The following TAFA2 variants were observed in gnomAD, a reference collection of about 807,000 sequenced individuals.
TAFA2 encodes the protein chemokine-like protein TAFA-2.
A neutral mutation model predicts 18.8 loss-of-function variants in TAFA2; 7 were observed. The ratio of observed to expected loss-of-function variants is 0.37; its 90% confidence interval spans 0.21 to 0.70. The LOEUF (loss-of-function observed/expected upper bound fraction) is 0.70, where lower values mean the gene tolerates loss of function less well. Ranked by LOEUF, TAFA2 falls within the 30% of genes least tolerant of loss-of-function variation. The probability of loss-of-function intolerance (pLI) is 0.53; values close to 1 mark genes in which losing one functional copy is unlikely to be tolerated. For missense variants in TAFA2, 122 were observed against 158.1 expected (o/e 0.77, Z 1.23); for synonymous variants, 60 against 54.2 (o/e 1.11, Z -0.47).
chr12:62,234,709 C>T, intron 1 of TAFA2: 3 of 1,065,266 alleles, frequency 2.8e-6, no homozygotes, highest in Non-Finnish European at 1.5e-6. Context: ...TAAGGCCTTG[C>T]CTCTGAGGAG....
chr12:62,243,729 C>G (rs7963835), intron 1 of TAFA2, among the ~76,000 whole-genome samples: 1 of 152,174 alleles, frequency 6.6e-6, no homozygotes, highest in Non-Finnish European at 1.5e-5. Flanking sequence ...AGTTAAGACA[C>G]GAAAATGTCA....
chr12:61,814,861 C>T (rs1404729450), intron 2 of TAFA2, among the ~76,000 whole-genome samples: 2 of 151,360 alleles, frequency 1.3e-5, no homozygotes, highest in Admixed American at 6.6e-5. Context: ...GGTGAAGCCA[C>T]AAGCCAAGTA....
At chr12:61,894,940 A>C (rs186258410) in intron 1 of TAFA2, among the ~76,000 whole-genome samples, 12 of 152,344 alleles carry the variant, frequency 7.9e-5, no homozygotes, top group African/African-American at 2.9e-4. Context: ...CAGGCTAAAC[A>C]GGCCTCTTTC....
At chr12:62,209,866 C>T (rs11174373) in intron 1 of TAFA2, among the ~76,000 whole-genome samples, 25,113 of 152,122 alleles carry the variant, frequency 0.17, 2,474 homozygotes, top group East Asian at 0.34. Context: ...TAAACTGAGG[C>T]TTAAAGATTA....
intron 1 of TAFA2, among the ~76,000 whole-genome samples, chr12:62,189,190 A>AT (rs968507912): frequency 5.4e-5 from 8 of 147,808 alleles, no homozygotes; most frequent in African/African-American, 2.0e-4. Context: ...AGATTTTCAC[A>AT]TAAAAAAAAA....
chr12:61,836,131 C>A (rs1251403598), intron 2 of TAFA2, among the ~76,000 whole-genome samples: 1 of 151,770 alleles, frequency 6.6e-6, no homozygotes, highest in African/African-American at 2.4e-5. Flanking sequence ...TGTGTAGTTA[C>A]CGAGAAAAAG....
intron 1 of TAFA2, among the ~76,000 whole-genome samples, chr12:62,257,203 A>C (rs1393436427): frequency 1.9e-5 from 1 of 51,314 alleles, no homozygotes; most frequent in African/African-American, 8.5e-5. Context: ...TGTGTGTGTG[A>C]TTTGCTAAGT....
chr12:62,256,275 A>C (rs982606701), intron 1 of TAFA2, among the ~76,000 whole-genome samples: 2 of 152,192 alleles, frequency 1.3e-5, no homozygotes, highest in South Asian at 2.1e-4. Context: ...TCTCCAAAAA[A>C]AAAAAGGATA....
intron 1 of TAFA2, among the ~76,000 whole-genome samples, chr12:62,237,084 A>G (rs966704494): frequency 6.6e-6 from 1 of 152,078 alleles, no homozygotes; most frequent in Non-Finnish European, 1.5e-5. Flanking sequence ...AATGACTCTT[A>G]TATTTTTCTC....
chr12:61,803,154 G>A (rs1421161560), intron 2 of TAFA2, among the ~76,000 whole-genome samples: 2 of 151,838 alleles, frequency 1.3e-5, no homozygotes, highest in African/African-American at 4.8e-5. Flanking sequence ...GAATACAAAG[G>A]ATAAATAAGA....
At position 61,932,981 on chromosome 12, in the gene TAFA2, A is replaced by C. The variant is rs571280414; in HGVS notation, c.-1-65555T>G. Among the ~76,000 whole-genome samples the C allele has an allele frequency of 3.3e-5, 5 of 152,356 alleles. No homozygotes were observed. The East Asian group carries it at 9.6e-4, about 29-fold the overall frequency. On this transcript the variant is annotated intron_variant, in intron 1 of 4. Coordinates refer to ENST00000416284, the MANE Select transcript of TAFA2 (RefSeq NM_178539.5). ...GCTGTCTCCTGGAAGTACGGAACTA[A>C]GAAAGCCAAGCTAGGTTAAAGGCAA...
chr12:61,972,689 A>T lies in TAFA2; in HGVS notation c.-1-105263T>A, dbSNP rs148724580. On this transcript the variant is annotated intron_variant, in intron 1 of 4. Transcript: ENST00000416284. ...CATGACTTTTTTAAAAGATCAAATA[A>T]CTTGTACCTATGAACAAACTTGTCA... is the stretch of plus-strand genomic sequence containing the variant. Among the ~76,000 whole-genome samples the T allele has an allele frequency of 1.3e-3, 200 of 151,856 alleles. 1 individual carries two copies. Among genetic ancestry groups the T allele is most frequent in the African/African-American group, 4.5e-3 (186 of 41,494 alleles).
At chr12:61,802,069 G>A (rs1211188850) in intron 2 of TAFA2, among the ~76,000 whole-genome samples, 1 of 151,914 alleles carries the variant, frequency 6.6e-6, no homozygotes, top group Non-Finnish European at 1.5e-5. Context: ...GAGATTTCAT[G>A]TCACCCTGGT....
chr12:62,169,196 G>C (rs1419391208), intron 1 of TAFA2, among the ~76,000 whole-genome samples: 1 of 152,156 alleles, frequency 6.6e-6, no homozygotes, highest in African/African-American at 2.4e-5. Flanking sequence ...TGGATGGGTA[G>C]AGGAATGTGC....
chr12:62,037,889 C>G (rs1024050212), intron 1 of TAFA2, among the ~76,000 whole-genome samples: 3 of 152,158 alleles, frequency 2.0e-5, no homozygotes, highest in Admixed American at 2.0e-4. Context: ...ATCTTAGTCA[C>G]CTTTATGCCC....
chr12:62,102,666 A>G (rs1053752379), intron 1 of TAFA2, among the ~76,000 whole-genome samples: 1 of 152,246 alleles, frequency 6.6e-6, no homozygotes, highest in African/African-American at 2.4e-5. Flanking sequence ...AGAGAACTCC[A>G]GAGCTACCTC....
At chr12:61,873,179 T>C (rs1243670029) in intron 1 of TAFA2, among the ~76,000 whole-genome samples, 4 of 152,120 alleles carry the variant, frequency 2.6e-5, no homozygotes, top group African/African-American at 7.2e-5. Flanking sequence ...GAAATGGAGA[T>C]GTGAAGAACA....
intron 2 of TAFA2, among the ~76,000 whole-genome samples, chr12:61,850,391 T>C (rs1299067121): frequency 1.3e-5 from 2 of 151,866 alleles, no homozygotes; most frequent in Non-Finnish European, 2.9e-5. Flanking sequence ...TAACATATTA[T>C]TATCCATTAT....
chr12:62,162,350 G>A (rs2062412366), intron 1 of TAFA2, among the ~76,000 whole-genome samples: 1 of 152,148 alleles, frequency 6.6e-6, no homozygotes, highest in Non-Finnish European at 1.5e-5. Flanking sequence ...CTTAGGATGA[G>A]CTATGTGCAA....
Sources: gnomAD v4.1 joint callset for allele counts (sites outside exome capture counted in the v4.1 genomes callset) on GRCh38, gnomAD v4.1.1 for gene constraint, MANE v1.5 for transcripts, NCBI Gene and HGNC (gene_info 2026-07-23, HGNC 2026-07-21) for gene names.